The following PLPPR5 variants were observed in gnomAD, a reference collection of about 807,000 sequenced individuals.
PLPPR5 encodes phospholipid phosphatase-related protein type 5.
PLPPR5 carries 16 observed loss-of-function variants against 33.9 expected under a neutral mutation model. That is an observed-to-expected ratio of 0.47 (90% CI 0.32 to 0.72). PLPPR5 has a LOEUF of 0.72. Among genes scored for constraint, PLPPR5 ranks in the 30% least tolerant of loss-of-function variants. PLPPR5 has a pLI of 0.03. For missense variants in PLPPR5, 301 were observed against 406.7 expected, an observed-to-expected ratio of 0.74 and a Z score of 2.23; for synonymous variants, 163 against 150.3, an observed-to-expected ratio of 1.08 and a Z score of -0.62.
Position 98,890,273 on chromosome 1 carries a change from T to G in PLPPR5, c.*2799A>C, listed in dbSNP as rs900103107. ...AGTTTTCAATTGAATTTTTAAATTT[T>G]TATTTGAAAAATACAATACACAGCA... On this transcript the variant is annotated 3_prime_UTR_variant, in exon 6 of 6. Coordinates refer to ENST00000263177, the MANE Select transcript of PLPPR5 (RefSeq NM_001037317.2). 6.6e-6 allele frequency: 1 copy of G among 152,562 alleles called. No individual in the cohort carries two copies. Among genetic ancestry groups the G allele is most frequent in the Middle Eastern group, 3.2e-3 (1 of 316 alleles). The allele number at this position is 152,562 out of a possible 1,614,324, so 9.5% of individuals were successfully genotyped here. A position where few individuals can be genotyped will look rare whatever the true frequency, so the allele number is the denominator to read the frequency against.
Position 98,890,936 on chromosome 1 carries a change from A to C in PLPPR5, c.*2136T>G, listed in dbSNP as rs1366588260. 4 of 152,148 alleles carry C rather than the reference A, an allele frequency of 2.6e-5. No individual in the cohort carries two copies. The South Asian group carries it at 8.3e-4, about 31-fold the overall frequency. 9.4% of individuals were successfully genotyped at this position (152,148 alleles called of 1,614,324 possible). A position where few individuals can be genotyped will look rare whatever the true frequency, so the allele number is the denominator to read the frequency against. ...GCAAAGAAGCAACCTTGACATAAGA[A>C]TATATGGCTAAGGCTTCCAACAGGA... On this transcript the variant is annotated 3_prime_UTR_variant, in exon 6 of 6. Coordinates refer to ENST00000263177, the MANE Select transcript of PLPPR5 (RefSeq NM_001037317.2).
chr1:98,903,650 C>T (rs533187228), intron 5 of PLPPR5, among the ~76,000 whole-genome samples: 56 of 152,056 alleles, frequency 3.7e-4, no homozygotes, highest in African/African-American at 1.3e-3. Context: ...AAAAAAAAAT[C>T]CCATTAAAGA....
chr1:98,920,594 A>AAAAAAAAAAAAAC (rs1649513814), intron 4 of PLPPR5, among the ~76,000 whole-genome samples: 1 of 71,746 alleles, frequency 1.4e-5, no homozygotes, highest in African/African-American at 6.9e-5. Context: ...TGGTATCACC[A>AAAAAAAAAAAAAC]AAAAAAAAAA....
At chr1:98,912,930 AATTCTCT>A (rs1412842062) in intron 5 of PLPPR5, among the ~76,000 whole-genome samples, 1 of 152,134 alleles carries the variant, frequency 6.6e-6, no homozygotes, top group African/African-American at 2.4e-5. Context: ...TGAATGCTTG[AATTCTCT>A]CCAAAGTACC....
chr1:98,977,764 G>A (rs1219024094), intron 1 of PLPPR5, among the ~76,000 whole-genome samples: 2 of 151,360 alleles, frequency 1.3e-5, no homozygotes, highest in African/African-American at 4.9e-5. Context: ...TTATCTTCTG[G>A]TAGAGAACTA....
intron 3 of PLPPR5, among the ~76,000 whole-genome samples, chr1:98,948,355 C>A (rs970877966): frequency 6.6e-6 from 1 of 152,070 alleles, no homozygotes; most frequent in South Asian, 2.1e-4. Flanking sequence ...ATAATGCCAA[C>A]GATTGGCCAC....
intron 5 of PLPPR5, among the ~76,000 whole-genome samples, chr1:98,896,131 A>G (rs924853541): frequency 6.6e-6 from 1 of 152,026 alleles, no homozygotes; most frequent in Non-Finnish European, 1.5e-5. Flanking sequence ...AATCTATCAT[A>G]TGATGGTACA....
At chr1:98,931,814 C>T (rs942799645) in intron 3 of PLPPR5, among the ~76,000 whole-genome samples, 2 of 151,890 alleles carry the variant, frequency 1.3e-5, no homozygotes. Flanking sequence ...AAATGGGAGG[C>T]CATAAAGGGG....
chr1:98,897,824 A>C (rs1369183915), intron 5 of PLPPR5, among the ~76,000 whole-genome samples: 1 of 152,098 alleles, frequency 6.6e-6, no homozygotes, highest in African/African-American at 2.4e-5. Flanking sequence ...ATAAGAATAC[A>C]TACTTTTTGA....
At chr1:98,961,623 C>T (rs534234518) in intron 1 of PLPPR5, among the ~76,000 whole-genome samples, 1 of 152,212 alleles carries the variant, frequency 6.6e-6, no homozygotes, top group Admixed American at 6.5e-5. Flanking sequence ...CATATCTATT[C>T]TTTCTTCCTA....
At chr1:98,979,734 G>A (rs998880487) in intron 1 of PLPPR5, among the ~76,000 whole-genome samples, 2 of 152,038 alleles carry the variant, frequency 1.3e-5, no homozygotes, top group Admixed American at 1.3e-4. Context: ...CCCAGATCGT[G>A]TGCCTGGGAT....
At chr1:98,957,382 A>G (rs1046992596) in intron 1 of PLPPR5, among the ~76,000 whole-genome samples, 38 of 151,934 alleles carry the variant, frequency 2.5e-4, no homozygotes, top group South Asian at 4.1e-4. Context: ...ACAAAAATAG[A>G]CAACATTTTT....
intron 3 of PLPPR5, among the ~76,000 whole-genome samples, chr1:98,930,903 C>T (rs1329691596): frequency 6.6e-6 from 1 of 152,200 alleles, no homozygotes; most frequent in Non-Finnish European, 1.5e-5. Context: ...CCAACTCTCA[C>T]TTTACACCCT....
chr1:98,986,137 G>A (rs1652254430), intron 1 of PLPPR5, among the ~76,000 whole-genome samples: 1 of 151,754 alleles, frequency 6.6e-6, no homozygotes, highest in Non-Finnish European at 1.5e-5. Flanking sequence ...TTAAGTAATG[G>A]ATATTTATGA....
chr1:98,944,383 A>C (rs1650479816), intron 3 of PLPPR5, among the ~76,000 whole-genome samples: 1 of 152,138 alleles, frequency 6.6e-6, no homozygotes, highest in Non-Finnish European at 1.5e-5. Context: ...TATCCCCCTC[A>C]CAAATTTATA....
chr1:98,958,028 AG>A (rs1372199636), intron 1 of PLPPR5, among the ~76,000 whole-genome samples: 1 of 152,258 alleles, frequency 6.6e-6, no homozygotes, highest in Non-Finnish European at 1.5e-5. Context: ...GTTCTTTTTA[AG>A]GCCAGTCAGA....
In PLPPR5 at chr1:98,977,145, T is replaced by C. The variant is rs931179703; in HGVS notation, c.238-20404A>G. On this transcript the variant is annotated intron_variant, in intron 1 of 5. Transcript: ENST00000263177. The stretch of plus-strand genomic sequence containing the variant: ...TTCCAGTGACTTGGTCTTTAAAAGA[T>C]AAAATGCCATATGATGGAGACTCCA... Among the ~76,000 whole-genome samples the C allele has an allele frequency of 3.9e-5, 6 of 152,050 alleles. No homozygotes were observed. The South Asian group carries it at 6.2e-4, about 16-fold the overall frequency.
intron 3 of PLPPR5, 100 bp downstream of exon 3, chr1:98,952,970 G>A: frequency 1.4e-6 from 2 of 1,380,770 alleles, no homozygotes; most frequent in Non-Finnish European, 2.0e-6. Flanking sequence ...ATATGAATGT[G>A]CTTTAAGTGA....
chr1:98,960,048 G>A (rs1018152142), intron 1 of PLPPR5, among the ~76,000 whole-genome samples: 2 of 151,806 alleles, frequency 1.3e-5, no homozygotes, highest in Admixed American at 6.6e-5. Context: ...TTTCCTCCAA[G>A]GGTATGTCTA....
Sources: gnomAD v4.1 joint callset for allele counts (sites outside exome capture counted in the v4.1 genomes callset) on GRCh38, gnomAD v4.1.1 for gene constraint, MANE v1.5 for transcripts, NCBI Gene and HGNC (gene_info 2026-07-23, HGNC 2026-07-21) for gene names.